The following STN1 variants were observed in gnomAD, a reference collection of about 807,000 sequenced individuals.
STN1 encodes the protein CST complex subunit STN1.
Under a neutral mutation model 45.5 loss-of-function variants are expected in STN1, and 29 were observed. The ratio of observed to expected loss-of-function variants is 0.64; its 90% CI spans 0.47 to 0.87. The LOEUF (loss-of-function observed/expected upper bound fraction) is 0.87. STN1 is among the 40% of genes least tolerant of loss of function. The probability of loss-of-function intolerance (pLI) is 0.00; values close to 1 mark genes in which losing one functional copy is unlikely to be tolerated. For synonymous variants in STN1, 148 were observed against 159.0 expected, an observed-to-expected ratio of 0.93 and a Z score of 0.52; for missense variants, 376 against 441.4, an observed-to-expected ratio of 0.85 and a Z score of 1.33.
At chr10:103,911,691 T>C (rs915018235) in intron 2 of STN1, among the ~76,000 whole-genome samples, 4 of 152,200 alleles carry the variant, frequency 2.6e-5, no homozygotes, top group African/African-American at 7.2e-5. Flanking sequence ...AAAATAAATA[T>C]ACGAATTCTA....
Position 103,878,300 on chromosome 10 carries a change from C to T in STN1, c.*4384G>A, listed in dbSNP as rs575764968. 6.6e-6 allele frequency: 1 copy of T among 152,280 alleles called. No individual in the cohort carries two copies. The highest frequency in any genetic ancestry group is 6.5e-5 in the Admixed American group (1 of 15,290). 9.4% of individuals were successfully genotyped at this position (152,280 alleles called of 1,614,324 possible). On this transcript the variant is annotated 3_prime_UTR_variant, in exon 10 of 10. Coordinates refer to ENST00000224950, the MANE Select transcript of STN1 (RefSeq NM_024928.5). ...AGTTTCCCTCCTTTTCAGGGGAACC[C>T]TCTGGCTGGTCTTCAGTACATGAGC...
intron 9 of STN1, among the ~76,000 whole-genome samples, chr10:103,885,133 C>A (rs1368470728): frequency 6.6e-6 from 1 of 152,114 alleles, no homozygotes; most frequent in East Asian, 1.9e-4. Context: ...GGATGAGAGA[C>A]CAGGGGGAAC....
intron 2 of STN1, among the ~76,000 whole-genome samples, chr10:103,916,189 G>A (rs746491452): frequency 3.3e-5 from 5 of 152,164 alleles, no homozygotes; most frequent in Non-Finnish European, 5.9e-5. Context: ...AAAGATCACT[G>A]GTCCTGTTTT....
intron 3 of STN1, among the ~76,000 whole-genome samples, chr10:103,908,423 T>TTA (rs1843258061): frequency 6.6e-6 from 1 of 150,680 alleles, no homozygotes; most frequent in Non-Finnish European, 1.5e-5. Context: ...CCGCTGGCCT[T>TTA]GTTTCAGCTG....
intron 3 of STN1, among the ~76,000 whole-genome samples, chr10:103,909,363 A>ATAT (rs1204203403): frequency 1.1e-5 from 1 of 94,258 alleles, no homozygotes; most frequent in African/African-American, 3.7e-5. Context: ...TCAAAAAAAA[A>ATAT]AAATATATAT....
intron 7 of STN1, among the ~76,000 whole-genome samples, chr10:103,896,522 A>G (rs1282090932): frequency 2.0e-5 from 3 of 152,184 alleles, no homozygotes; most frequent in Admixed American, 2.0e-4. Context: ...GCCTAAAATC[A>G]ATGTCTCAAA....
chr10:103,907,109 G>C (rs923218328), intron 3 of STN1, among the ~76,000 whole-genome samples: 3 of 152,180 alleles, frequency 2.0e-5, no homozygotes, highest in African/African-American at 7.2e-5. Context: ...GCAACACAGT[G>C]AGACCCTGCC....
rs915583458 is a variant in STN1 at position 103,899,124 on chromosome 10, G to C, written c.458-124C>G. The C allele has an allele frequency of 3.8e-5, 36 of 958,552 alleles. No homozygotes were observed. The African/African-American group carries it at 5.9e-4, about 16-fold the overall frequency. 59.4% of individuals were successfully genotyped at this position (958,552 alleles called of 1,614,324 possible). A position where few individuals can be genotyped will look rare whatever the true frequency, so the allele number is the denominator to read the frequency against. On this transcript the variant is annotated intron_variant, in intron 5 of 9. Transcript: ENST00000224950. The stretch of plus-strand genomic sequence containing the variant: ...AGGTGCTGGGTGGGCCTCCTTCCTT[G>C]TGAGTGCCCAGGGATCACAGTCTAG...
At chr10:103,897,936 A>G (rs920336409) in intron 6 of STN1, among the ~76,000 whole-genome samples, 2 of 152,218 alleles carry the variant, frequency 1.3e-5, no homozygotes, top group African/African-American at 2.4e-5. Context: ...AGGAGAAAAA[A>G]GTCAAACTGC....
intron 7 of STN1, among the ~76,000 whole-genome samples, chr10:103,896,299 G>A (rs531525442): frequency 6.6e-6 from 1 of 152,246 alleles, no homozygotes; most frequent in South Asian, 2.1e-4. Flanking sequence ...TTCTGATGGA[G>A]GAATAGGCAA....
intron 9 of STN1, among the ~76,000 whole-genome samples, chr10:103,886,617 G>A (rs888324812): frequency 1.3e-4 from 20 of 152,146 alleles, no homozygotes; most frequent in African/African-American, 3.9e-4. Context: ...ATTAAACCAA[G>A]TAGAGGGTGA....
chr10:103,889,755 T>G (rs539420225), intron 8 of STN1, among the ~76,000 whole-genome samples: 1 of 145,640 alleles, frequency 6.9e-6, no homozygotes, highest in Non-Finnish European at 1.5e-5. Context: ...CAGGCTGGAG[T>G]GCAGTGGCAC....
Position 103,917,648 on chromosome 10 carries a change from G to C in STN1, c.-54C>G. ...ACTCTGAAAGGTTCTGCATCACTGA[G>C]TCAAGCATCTAGATGGGACACAGAA... On this transcript the variant is annotated 5_prime_UTR_variant, in exon 2 of 10. Coordinates refer to ENST00000224950, the MANE Select transcript of STN1 (RefSeq NM_024928.5). The C allele has an allele frequency of 6.3e-7, 1 of 1,590,818 alleles. No homozygotes were observed. The highest frequency in any genetic ancestry group is 1.7e-5 in the Admixed American group (1 of 57,222).
At chr10:103,886,064 T>G (rs1250471709) in intron 9 of STN1, among the ~76,000 whole-genome samples, 1 of 152,186 alleles carries the variant, frequency 6.6e-6, no homozygotes, top group African/African-American at 2.4e-5. Context: ...TAAGTCTTTT[T>G]TAAAAGTTTG....
At chr10:103,891,739 C>T (rs2134360728) in intron 8 of STN1, among the ~76,000 whole-genome samples, 1 of 152,308 alleles carries the variant, frequency 6.6e-6, no homozygotes, top group Middle Eastern at 3.4e-3. Flanking sequence ...ACAGTTATCT[C>T]TCGGTATACT....
intron 2 of STN1, among the ~76,000 whole-genome samples, chr10:103,916,592 G>C (rs1843332818): frequency 6.6e-6 from 1 of 152,210 alleles, no homozygotes; most frequent in Non-Finnish European, 1.5e-5. Context: ...CTCATAGTTT[G>C]TTATTCAGAA....
chr10:103,909,496 G>GTGTATA (rs1564635156), intron 3 of STN1, among the ~76,000 whole-genome samples: 1 of 77,180 alleles, frequency 1.3e-5, no homozygotes. Flanking sequence ...ATGTGTGTGT[G>GTGTATA]TATATGTATA....
chr10:103,909,498 ATATG>A (rs781502882), intron 3 of STN1, among the ~76,000 whole-genome samples: 7,862 of 66,378 alleles, frequency 0.12, 433 homozygotes, highest in Non-Finnish European at 0.14. Context: ...GTGTGTGTGT[ATATG>A]TATATATGTA....
chr10:103,889,173 A>C, intron 8 of STN1, 29 bp from the exon 9 acceptor site: 2 of 1,472,750 alleles, frequency 1.4e-6, no homozygotes, highest in South Asian at 2.3e-5. Flanking sequence ...TGAGAGAGAG[A>C]GTGTTCTTAG....
Sources: gnomAD v4.1 joint callset for allele counts (sites outside exome capture counted in the v4.1 genomes callset) on GRCh38, gnomAD v4.1.1 for gene constraint, MANE v1.5 for transcripts, NCBI Gene and HGNC (gene_info 2026-07-23, HGNC 2026-07-21) for gene names.